Variants in CWF19L2 observed in about 807,000 individuals in gnomAD.
CWF19L2 encodes the protein CWF19-like protein 2.
In CWF19L2, 98 loss-of-function variants were observed where a neutral mutation model predicts 111.7. The ratio of observed to expected loss-of-function variants is 0.88; its 90% CI spans 0.75 to 1.04. The LOEUF is 1.04. CWF19L2 is among the 50% of genes least tolerant of loss of function. CWF19L2 has a pLI of 0.00. For missense variants in CWF19L2, 1,101 were observed against 1,051.4 expected (o/e 1.05, Z -0.65); for synonymous variants, 351 against 342.9 (o/e 1.02, Z -0.26).
rs551066329 is a variant in CWF19L2, at chr11:107,395,199, T to A, written c.1618-2304A>T. ...GTGATAGTGAATGGATCTCATGAGA[T>A]CTGACAGTTTTAAAAACGGGAATTT... On this transcript the variant is annotated intron_variant, in intron 10 of 17. Coordinates refer to ENST00000282251, the MANE Select transcript of CWF19L2 (RefSeq NM_152434.3). 9.9e-5 allele frequency among the ~76,000 whole-genome samples: 15 copies of A among 152,268 alleles called. 1 individual carries two copies. In the South Asian group the frequency reaches 3.1e-3, roughly 32 times the overall value.
intron 8 of CWF19L2, among the ~76,000 whole-genome samples, chr11:107,425,912 T>G (rs1332452246): frequency 1.3e-5 from 2 of 151,992 alleles, no homozygotes; most frequent in Non-Finnish European, 2.9e-5. Context: ...TTCCTGGAAA[T>G]ACTTAGCCAA....
At chr11:107,399,408 G>A (rs1446443010) in intron 10 of CWF19L2, among the ~76,000 whole-genome samples, 2 of 152,166 alleles carry the variant, frequency 1.3e-5, no homozygotes, top group African/African-American at 4.8e-5. Flanking sequence ...CACCAAAAGT[G>A]AGGAGGAGTA....
Position 107,433,633 on chromosome 11 carries a change from C to A in CWF19L2, c.780+1G>T. The A allele has an allele frequency of 1.4e-6, 2 of 1,472,040 alleles. No individual in the cohort carries two copies. Among genetic ancestry groups the A allele is most frequent in the Non-Finnish European group, 1.9e-6 (2 of 1,079,286 alleles). 91.2% of individuals were successfully genotyped at this position (1,472,040 alleles called of 1,614,324 possible). On this transcript the variant is annotated splice_donor_variant, in intron 7 of 17. Transcript: ENST00000282251. LOFTEE classifies it high-confidence loss of function. ...GGCATCTCCTTAAAACAGATACTCA[C>A]CCCATATCTTTCGGCTACAATGTCC...
chr11:107,363,318 G>A (rs1443415261), intron 12 of CWF19L2, among the ~76,000 whole-genome samples: 1 of 152,092 alleles, frequency 6.6e-6, no homozygotes, highest in East Asian at 1.9e-4. Context: ...AGGAAGTACA[G>A]AGAATGCCAC....
In CWF19L2 at chr11:107,371,844, C is replaced by A. The variant is rs1182964329; in HGVS notation, c.1873-18108G>T. On this transcript the variant is annotated intron_variant, in intron 12 of 17. Transcript: ENST00000282251. ...TCTCTACCAAAAAAAGTGGAGAAAG[C>A]CAACAAAAAAGGACAACAAAAATAA... is the stretch of plus-strand genomic sequence containing the variant. Among the ~76,000 whole-genome samples, 5 of 136,392 alleles carry A rather than the reference C, an allele frequency of 3.7e-5. 2 individuals carry two copies. Among genetic ancestry groups the A allele is most frequent in the Non-Finnish European group, 7.8e-5 (5 of 64,042 alleles). 89.5% of individuals were successfully genotyped at this position (136,392 alleles called of 152,430 possible).
chr11:107,332,935 C>A (rs975375541), intron 16 of CWF19L2, among the ~76,000 whole-genome samples: 3 of 152,052 alleles, frequency 2.0e-5, no homozygotes, highest in Non-Finnish European at 4.4e-5. Context: ...GCCTGACCAA[C>A]ATGGTGAAAC....
Position 107,353,777 on chromosome 11 carries a change from T to A in CWF19L2, c.1873-41A>T, listed in dbSNP as rs374998302. 49 of 1,524,160 alleles carry A rather than the reference T, an allele frequency of 3.2e-5. No homozygotes were observed. The African/African-American group carries it at 6.6e-4, about 20-fold the overall frequency. 94.4% of individuals were successfully genotyped at this position (1,524,160 alleles called of 1,614,324 possible). A position where few individuals can be genotyped will look rare whatever the true frequency, so the allele number is the denominator to read the frequency against. ...AACAGTAATAGAGAGTAGAAGGTAG[T>A]GATTAAGATTTTACTGCACTGTGGT... is the stretch of plus-strand genomic sequence containing the variant. On this transcript the variant is annotated intron_variant, in intron 12 of 17. Coordinates refer to ENST00000282251, the MANE Select transcript of CWF19L2 (RefSeq NM_152434.3).
At chr11:107,432,830 A>G (rs1452283324) in intron 7 of CWF19L2, among the ~76,000 whole-genome samples, 1 of 152,212 alleles carries the variant, frequency 6.6e-6, no homozygotes, top group Non-Finnish European at 1.5e-5. Flanking sequence ...TAATTCACCA[A>G]CAAGAAAAAT....
intron 1 of CWF19L2, among the ~76,000 whole-genome samples, chr11:107,456,576 T>C (rs1861858648): frequency 6.6e-6 from 1 of 152,100 alleles, no homozygotes; most frequent in Non-Finnish European, 1.5e-5. Flanking sequence ...TTTTCTTTTT[T>C]TTTTTAATCA....
At chr11:107,400,647 T>G (rs899540240) in intron 10 of CWF19L2, among the ~76,000 whole-genome samples, 1 of 152,092 alleles carries the variant, frequency 6.6e-6, no homozygotes, top group East Asian at 1.9e-4. Flanking sequence ...CAAAGAAGAA[T>G]TGGTACCAAT....
At chr11:107,441,046 T>C (rs949129379) in intron 5 of CWF19L2, among the ~76,000 whole-genome samples, 25 of 152,338 alleles carry the variant, frequency 1.6e-4, no homozygotes, top group African/African-American at 6.0e-4. Flanking sequence ...TCTGGATTCA[T>C]GCTTTTGCCT....
Position 107,411,949 on chromosome 11 carries a change from A to AGT in CWF19L2, c.1617+4259_1617+4260insAC, listed in dbSNP as rs1436969506. ...AGTCCTATCGAATGGAAGTCATTCT[A>AGT]GAGGCCTCAGCACTGCTCCCATGAA... On this transcript the variant is annotated intron_variant, in intron 10 of 17. Transcript: ENST00000282251. 2.6e-5 allele frequency among the ~76,000 whole-genome samples: 4 copies of AGT among 152,348 alleles called. No homozygotes were observed. The East Asian group carries it at 7.7e-4, about 29-fold the overall frequency.
At chr11:107,356,994 C>T (rs1450721502) in intron 12 of CWF19L2, among the ~76,000 whole-genome samples, 2 of 152,134 alleles carry the variant, frequency 1.3e-5, no homozygotes, top group South Asian at 2.1e-4. Context: ...GCCGAAATCA[C>T]GCCATTGCAC....
At chr11:107,398,936 G>T (rs181651847) in intron 10 of CWF19L2, among the ~76,000 whole-genome samples, 3 of 152,258 alleles carry the variant, frequency 2.0e-5, no homozygotes, top group African/African-American at 7.2e-5. Flanking sequence ...GCAAAACTAA[G>T]CATGATATAT....
intron 14 of CWF19L2, among the ~76,000 whole-genome samples, chr11:107,340,564 T>C (rs1859991470): frequency 6.6e-6 from 1 of 152,242 alleles, no homozygotes; most frequent in Non-Finnish European, 1.5e-5. Context: ...TTGATTACTG[T>C]AGATATGTAA....
At chr11:107,328,100 T>C (rs1859789064) in intron 17 of CWF19L2, among the ~76,000 whole-genome samples, 2 of 130,810 alleles carry the variant, frequency 1.5e-5, no homozygotes, top group African/African-American at 5.9e-5. Context: ...TCTCATAAAG[T>C]AGAAGGTAAG....
At chr11:107,399,751 A>T (rs1288326829) in intron 10 of CWF19L2, among the ~76,000 whole-genome samples, 1 of 152,202 alleles carries the variant, frequency 6.6e-6, no homozygotes, top group Non-Finnish European at 1.5e-5. Context: ...TCATCCAGCA[A>T]CTGCAGCATA....
chr11:107,342,153 T>C (rs1340322772), intron 14 of CWF19L2, among the ~76,000 whole-genome samples: 7 of 152,028 alleles, frequency 4.6e-5, no homozygotes, highest in Non-Finnish European at 1.0e-4. Context: ...AGGTTTTTCC[T>C]CTTTTCTATA....
intron 12 of CWF19L2, among the ~76,000 whole-genome samples, chr11:107,356,970 G>A (rs112078136): frequency 0.017 from 2,661 of 152,158 alleles, 58 homozygotes; most frequent in African/African-American, 0.059. Context: ...CCCAGGAGGC[G>A]GAGGTTGCTG....
Sources: gnomAD v4.1 joint callset for allele counts (sites outside exome capture counted in the v4.1 genomes callset) on GRCh38, gnomAD v4.1.1 for gene constraint, MANE v1.5 for transcripts, NCBI Gene and HGNC (gene_info 2026-07-23, HGNC 2026-07-21) for gene names.